Variants in CDH13 observed in about 807,000 individuals in gnomAD.
CDH13 encodes the protein cadherin-13.
In CDH13, 24 loss-of-function variants were observed where a neutral mutation model predicts 63.8. That is an observed-to-expected ratio of 0.38 (90% CI 0.27 to 0.53). CDH13 has a LOEUF of 0.53. Among genes scored for constraint, CDH13 ranks in the 20% least tolerant of loss-of-function variants. The pLI, the probability that CDH13 is intolerant of heterozygous loss-of-function variation, is 0.85. For synonymous variants in CDH13, 503 were observed against 355.3 expected (o/e 1.42, Z -4.67); for missense variants, 1,049 against 903.1 (o/e 1.16, Z -2.07).
At chr16:82,718,258 G>A (rs994178211) in intron 1 of CDH13, among the ~76,000 whole-genome samples, 4 of 152,154 alleles carry the variant, frequency 2.6e-5, no homozygotes, top group Admixed American at 1.3e-4. Flanking sequence ...GAGGGACCTG[G>A]GGTATTTATC....
At chr16:82,730,180 T>G (rs781033889) in intron 1 of CDH13, among the ~76,000 whole-genome samples, 26 of 152,222 alleles carry the variant, frequency 1.7e-4, no homozygotes, top group Non-Finnish European at 3.4e-4. Context: ...ATTCAAGAGC[T>G]TTCTTTTGCA....
chr16:83,074,972 G>T (rs559252863), intron 3 of CDH13, among the ~76,000 whole-genome samples: 3 of 152,340 alleles, frequency 2.0e-5, no homozygotes, highest in South Asian at 4.1e-4. Context: ...GGCAGCCACT[G>T]CCTCTCACCT....
Position 83,757,975 on chromosome 16 carries a change from A to G in CDH13, c.1681+9725A>G, listed in dbSNP as rs117837162. On this transcript the variant is annotated intron_variant, in intron 11 of 13. Coordinates refer to ENST00000567109, the MANE Select transcript of CDH13 (RefSeq NM_001257.5). ...AAGCCCCTTCTCTGCTAAAAAATAC[A>G]AAAATTAGCTGGGTATGGTGGTGCA... 7.7e-3 allele frequency among the ~76,000 whole-genome samples: 1,173 copies of G among 152,204 alleles called. 4 individuals carry two copies. The highest frequency in any genetic ancestry group is 0.013 in the Non-Finnish European group (905 of 68,006).
intron 7 of CDH13, among the ~76,000 whole-genome samples, chr16:83,571,340 C>A (rs917194454): frequency 6.6e-6 from 1 of 152,042 alleles, no homozygotes; most frequent in African/African-American, 2.4e-5. Context: ...CAGTTGCATC[C>A]TGGAAGAAGC....
chr16:82,849,851 T>C (rs1487224721), intron 1 of CDH13, among the ~76,000 whole-genome samples: 1 of 152,232 alleles, frequency 6.6e-6, no homozygotes, highest in East Asian at 1.9e-4. Flanking sequence ...CAACAAAGCC[T>C]GGATGACAGT....
chr16:83,283,033 T>C (rs1567562463), intron 5 of CDH13, among the ~76,000 whole-genome samples: 2 of 152,194 alleles, frequency 1.3e-5, no homozygotes, highest in Non-Finnish European at 2.9e-5. Flanking sequence ...GAAAATTAGG[T>C]GAGATTCTGT....
chr16:82,921,783 TCTC>T (rs1027952466), intron 2 of CDH13, among the ~76,000 whole-genome samples: 45 of 152,290 alleles, frequency 3.0e-4, no homozygotes, highest in African/African-American at 1.1e-3. Flanking sequence ...GGAAGTGTTC[TCTC>T]CTCCTATATT....
intron 11 of CDH13, among the ~76,000 whole-genome samples, chr16:83,768,359 C>CA (rs1200586011): frequency 2.0e-5 from 3 of 152,034 alleles, no homozygotes; most frequent in South Asian, 2.1e-4. Flanking sequence ...TTTAAATAGA[C>CA]AAAAAAACAC....
chr16:82,925,716 C>G (rs2042283273), intron 2 of CDH13, among the ~76,000 whole-genome samples: 1 of 152,174 alleles, frequency 6.6e-6, no homozygotes, highest in South Asian at 2.1e-4. Context: ...GCCCACAGCC[C>G]ATGAATTTAA....
intron 3 of CDH13, among the ~76,000 whole-genome samples, chr16:83,113,755 G>C (rs989902511): frequency 2.0e-5 from 3 of 152,180 alleles, no homozygotes; most frequent in African/African-American, 7.2e-5. Flanking sequence ...GGACGGGAAG[G>C]GAAGTCACAA....
intron 1 of CDH13, among the ~76,000 whole-genome samples, chr16:82,806,936 G>A (rs918209601): frequency 6.6e-6 from 1 of 152,162 alleles, no homozygotes. Context: ...TCAGATGTGG[G>A]CATAGCAGTC....
At chr16:82,870,508 G>C (rs914501337) in intron 2 of CDH13, among the ~76,000 whole-genome samples, 1 of 152,112 alleles carries the variant, frequency 6.6e-6, no homozygotes, top group Non-Finnish European at 1.5e-5. Context: ...TGGGGAGGGA[G>C]AATAAAGTGG....
intron 6 of CDH13, among the ~76,000 whole-genome samples, chr16:83,380,230 A>G (rs2091538110): frequency 1.3e-5 from 2 of 151,774 alleles, no homozygotes; most frequent in South Asian, 4.1e-4. Context: ...TTAATAAAAT[A>G]AAGACAAAGC....
intron 7 of CDH13, among the ~76,000 whole-genome samples, chr16:83,496,728 T>C (rs868198610): frequency 1.6e-4 from 24 of 152,084 alleles, no homozygotes; most frequent in Non-Finnish European, 2.2e-4. Context: ...ACAGGCGACC[T>C]ACAAAATGGG....
At chr16:83,692,714 G>T (rs1391435103) in intron 10 of CDH13, among the ~76,000 whole-genome samples, 3 of 152,144 alleles carry the variant, frequency 2.0e-5, no homozygotes, top group Non-Finnish European at 4.4e-5. Context: ...CTAGATTCAG[G>T]CTGTCTCTAG....
chr16:83,587,097 G>A (rs1250738641), intron 7 of CDH13, among the ~76,000 whole-genome samples: 1 of 152,100 alleles, frequency 6.6e-6, no homozygotes, highest in African/African-American at 2.4e-5. Flanking sequence ...ACCAAAGTCA[G>A]CTTTGCACGA....
intron 3 of CDH13, among the ~76,000 whole-genome samples, chr16:83,116,339 G>A (rs994596705): frequency 1.6e-4 from 25 of 152,308 alleles, no homozygotes; most frequent in African/African-American, 5.8e-4. Context: ...GAAGGAGGCT[G>A]ATGGAGGAGT....
At chr16:82,984,745 C>G (rs186316138) in intron 2 of CDH13, among the ~76,000 whole-genome samples, 2 of 152,126 alleles carry the variant, frequency 1.3e-5, no homozygotes, top group Non-Finnish European at 1.5e-5. Flanking sequence ...GATATTTAAA[C>G]CTAGGCAATT....
intron 1 of CDH13, among the ~76,000 whole-genome samples, chr16:82,762,235 C>T (rs890896087): frequency 6.6e-6 from 1 of 152,202 alleles, no homozygotes; most frequent in Non-Finnish European, 1.5e-5. Flanking sequence ...TACTAAGATT[C>T]TCTTTCTGCT....
Sources: gnomAD v4.1 joint callset for allele counts (sites outside exome capture counted in the v4.1 genomes callset) on GRCh38, gnomAD v4.1.1 for gene constraint, MANE v1.5 for transcripts, NCBI Gene and HGNC (gene_info 2026-07-23, HGNC 2026-07-21) for gene names.